GPC6: variants seen among roughly 807,000 people sequenced by gnomAD.
GPC6 encodes the protein glypican 6, also known as glypican-6.
In GPC6, 14 loss-of-function variants were observed where a neutral mutation model predicts 55.2. That is an observed-to-expected ratio of 0.25 (90% CI 0.17 to 0.40). The LOEUF (loss-of-function observed/expected upper bound fraction) is 0.40. Among genes scored for constraint, GPC6 ranks in the 10% least tolerant of loss-of-function variants. The pLI, the probability that GPC6 is intolerant of heterozygous loss-of-function variation, is 1.00. For missense variants in GPC6, 641 were observed against 708.5 expected (o/e 0.90, Z 1.08); for synonymous variants, 278 against 259.6 (o/e 1.07, Z -0.68).
intron 1 of GPC6, among the ~76,000 whole-genome samples, chr13:93,237,278 G>A (rs1048170060): frequency 6.6e-6 from 1 of 152,034 alleles, no homozygotes; most frequent in African/African-American, 2.4e-5. Context: ...CTAGGATAAG[G>A]TGGTATCTCA....
chr13:93,364,157 A>G (rs1353721652), intron 1 of GPC6, among the ~76,000 whole-genome samples: 1 of 151,870 alleles, frequency 6.6e-6, no homozygotes, highest in Admixed American at 6.6e-5. Flanking sequence ...CCATTTGTCA[A>G]TTTTGGCTTT....
At chr13:93,789,509 C>CTATATATA (rs201331720) in intron 2 of GPC6, among the ~76,000 whole-genome samples, 2 of 93,456 alleles carry the variant, frequency 2.1e-5, no homozygotes, top group African/African-American at 4.2e-5. Context: ...CTCTCTCTCT[C>CTATATATA]TATATATATA....
chr13:93,734,986 C>A (rs1883946813), intron 2 of GPC6, among the ~76,000 whole-genome samples: 1 of 152,070 alleles, frequency 6.6e-6, no homozygotes, highest in African/African-American at 2.4e-5. Context: ...GACCTTAAAT[C>A]TTACCTTATA....
At chr13:93,895,105 T>G (rs965236517) in intron 3 of GPC6, among the ~76,000 whole-genome samples, 6 of 150,524 alleles carry the variant, frequency 4.0e-5, no homozygotes, top group African/African-American at 1.2e-4. Context: ...TCTATATATA[T>G]ATTTTCACCT....
chr13:94,388,854 C>G (rs1354655510), intron 7 of GPC6, among the ~76,000 whole-genome samples: 1 of 152,158 alleles, frequency 6.6e-6, no homozygotes, highest in African/African-American at 2.4e-5. Flanking sequence ...ACCAAAGGCC[C>G]TATCTCCAGG....
At chr13:93,220,451 T>C in the GPC6 span, among the ~76,000 whole-genome samples, 1 of 152,190 alleles carries the variant, frequency 6.6e-6, no homozygotes, top group African/African-American at 2.4e-5. Flanking sequence ...TTATAACAAG[T>C]AAGACAAAGT....
intron 4 of GPC6, among the ~76,000 whole-genome samples, chr13:94,108,456 C>T (rs1055551572): frequency 2.6e-5 from 4 of 151,928 alleles, no homozygotes; most frequent in Admixed American, 1.3e-4. Flanking sequence ...ACGGGTGCAC[C>T]GAAATCTCAC....
At chr13:93,637,438 C>T (rs1022321318) in intron 2 of GPC6, among the ~76,000 whole-genome samples, 1 of 152,132 alleles carries the variant, frequency 6.6e-6, no homozygotes, top group Non-Finnish European at 1.5e-5. Context: ...TTTTGCCAGA[C>T]TAATTCAAAT....
intron 2 of GPC6, among the ~76,000 whole-genome samples, chr13:93,607,330 C>T (rs561585139): frequency 2.0e-5 from 3 of 152,280 alleles, no homozygotes; most frequent in African/African-American, 7.2e-5. Context: ...TATTCATATG[C>T]CAGCTGCTTA....
At chr13:93,485,785 T>TAA (rs1401482618) in intron 1 of GPC6, among the ~76,000 whole-genome samples, 1 of 152,194 alleles carries the variant, frequency 6.6e-6, no homozygotes, top group Non-Finnish European at 1.5e-5. Flanking sequence ...GTAGCTGTTG[T>TAA]ACCTGTCAGG....
chr13:93,567,747 T>A (rs1876204786), intron 2 of GPC6, among the ~76,000 whole-genome samples: 1 of 152,200 alleles, frequency 6.6e-6, no homozygotes. Flanking sequence ...ACCAGTTAAA[T>A]TTTACCCTAT....
chr13:93,771,682 C>T (rs1566527043), intron 2 of GPC6, among the ~76,000 whole-genome samples: 1 of 151,594 alleles, frequency 6.6e-6, no homozygotes, highest in Non-Finnish European at 1.5e-5. Flanking sequence ...TGTAACTAAC[C>T]TGCACAATGT....
chr13:93,260,511 G>A (rs980005641), intron 1 of GPC6, among the ~76,000 whole-genome samples: 9 of 152,062 alleles, frequency 5.9e-5, no homozygotes, highest in East Asian at 3.9e-4. Context: ...TGTTATCACC[G>A]CCTCTTAGGT....
chr13:93,599,689 T>A (rs1877929408), intron 2 of GPC6, among the ~76,000 whole-genome samples: 2 of 152,208 alleles, frequency 1.3e-5, no homozygotes, highest in South Asian at 4.1e-4. Context: ...TCATAAGGTT[T>A]TATTTTTTTC....
chr13:93,853,426 A>G (rs2139015581), intron 3 of GPC6, among the ~76,000 whole-genome samples: 1 of 151,854 alleles, frequency 6.6e-6, no homozygotes, highest in East Asian at 1.9e-4. Flanking sequence ...GTTAAAGTGT[A>G]GAACTGAGTA....
intron 1 of GPC6, among the ~76,000 whole-genome samples, chr13:93,358,963 A>T (rs2139174415): frequency 6.7e-6 from 1 of 148,850 alleles, no homozygotes; most frequent in Non-Finnish European, 1.5e-5. Flanking sequence ...GTATTGCCTT[A>T]ATTCTCTCTC....
intron 1 of GPC6, among the ~76,000 whole-genome samples, chr13:93,362,855 A>C (rs1333339494): frequency 6.6e-6 from 1 of 152,114 alleles, no homozygotes; most frequent in Non-Finnish European, 1.5e-5. Flanking sequence ...AGCACTCTGC[A>C]TCTTTTTAAA....
chr13:93,301,927 A>G (rs927662490), intron 1 of GPC6, among the ~76,000 whole-genome samples: 4 of 152,228 alleles, frequency 2.6e-5, no homozygotes, highest in South Asian at 4.1e-4. Context: ...ACGAGAAATT[A>G]CTAGTGTAAG....
intron 6 of GPC6, among the ~76,000 whole-genome samples, chr13:94,323,234 CAA>C (rs1365080690): frequency 1.3e-5 from 2 of 152,118 alleles, no homozygotes; most frequent in African/African-American, 4.8e-5. Context: ...GCATAAATGC[CAA>C]ATTCAAAGCT....
Sources: allele counts gnomAD v4.1 joint callset (sites outside exome capture counted in the v4.1 genomes callset), GRCh38; gene constraint gnomAD v4.1.1; transcripts MANE v1.5; gene names NCBI Gene and HGNC (gene_info 2026-07-23, HGNC 2026-07-21).